The following MBNL2 variants were observed in gnomAD, a reference collection of about 807,000 sequenced individuals.
The protein encoded by MBNL2 is muscleblind-like protein 2.
A neutral mutation model predicts 41.9 loss-of-function variants in MBNL2; 17 were observed. The observed-to-expected ratio is 0.41, with a 90% CI of 0.28 to 0.61. The LOEUF is 0.61. Among genes scored for constraint, MBNL2 ranks in the 20% least tolerant of loss-of-function variants. The pLI is 0.35. For missense variants in MBNL2, 336 were observed against 505.6 expected (o/e 0.66, Z 3.22); for synonymous variants, 195 against 182.9 (o/e 1.07, Z -0.53).
chr13:97,317,309 A>G (rs777481988), intron 2 of MBNL2, among the ~76,000 whole-genome samples: 2 of 152,170 alleles, frequency 1.3e-5, no homozygotes, highest in African/African-American at 4.8e-5. Flanking sequence ...GGATAAAATG[A>G]ACAAAATATC....
the MBNL2 span, among the ~76,000 whole-genome samples, chr13:97,169,439 A>C: frequency 2.0e-5 from 3 of 152,222 alleles, no homozygotes; most frequent in African/African-American, 7.2e-5. Flanking sequence ...TCTATCTATC[A>C]GTTTTCGAAT....
the MBNL2 span, among the ~76,000 whole-genome samples, chr13:97,178,726 T>C: frequency 3.3e-5 from 5 of 151,986 alleles, no homozygotes; most frequent in Admixed American, 6.6e-5. Flanking sequence ...TGAGACCCTG[T>C]CTCTACATAA....
intron 2 of MBNL2, among the ~76,000 whole-genome samples, chr13:97,294,614 C>T (rs989033911): frequency 5.9e-5 from 9 of 152,104 alleles, no homozygotes; most frequent in Admixed American, 4.6e-4. Flanking sequence ...GGTATGGATC[C>T]CAGTGTTCTG....
chr13:97,176,050 T>G, the MBNL2 span, among the ~76,000 whole-genome samples: 1 of 152,202 alleles, frequency 6.6e-6, no homozygotes, highest in Non-Finnish European at 1.5e-5. Flanking sequence ...TACTCTGCCA[T>G]GCTGGAAGAA....
chr13:97,336,509 T>G (rs1440839511), intron 3 of MBNL2, among the ~76,000 whole-genome samples: 2 of 152,044 alleles, frequency 1.3e-5, no homozygotes, highest in African/African-American at 4.8e-5. Flanking sequence ...GACGCTCATA[T>G]AAGAGAGAGG....
intron 5 of MBNL2, among the ~76,000 whole-genome samples, chr13:97,349,712 A>C (rs1484833095): frequency 6.6e-6 from 1 of 152,090 alleles, no homozygotes; most frequent in Admixed American, 6.5e-5. Flanking sequence ...TTTTTAGTAG[A>C]GATGGACTCA....
At chr13:97,324,039 G>A (rs1181340494) in intron 2 of MBNL2, among the ~76,000 whole-genome samples, 1 of 151,776 alleles carries the variant, frequency 6.6e-6, no homozygotes, top group Non-Finnish European at 1.5e-5. Context: ...TGTTTTTCTT[G>A]TACCCATTAA....
the MBNL2 span, among the ~76,000 whole-genome samples, chr13:97,154,275 G>A: frequency 1.3e-5 from 2 of 152,030 alleles, no homozygotes; most frequent in African/African-American, 2.4e-5. Flanking sequence ...AGCTTTCACA[G>A]AGGCTTTTAA....
At chr13:97,324,802 AC>A (rs2059784245) in intron 2 of MBNL2, among the ~76,000 whole-genome samples, 1 of 152,104 alleles carries the variant, frequency 6.6e-6, no homozygotes, top group African/African-American at 2.4e-5. Context: ...GAGTCCAAAA[AC>A]CAAAGAACTT....
At position 97,356,797 on chromosome 13, in the gene MBNL2, C is replaced by T. The variant is rs1311221211; in HGVS notation, c.806C>T (p.Thr269Ile). The T allele has an allele frequency of 1.8e-5, 24 of 1,362,774 alleles. No individual in the cohort carries two copies. The highest frequency in any genetic ancestry group is 2.3e-5 in the Non-Finnish European group (23 of 1,017,970). The allele number at this position is 1,362,774 out of a possible 1,614,324, so 84.4% of individuals were successfully genotyped here. A position where few individuals can be genotyped will look rare whatever the true frequency, so the allele number is the denominator to read the frequency against. Residue 269 changes from threonine (T) to isoleucine (I), a missense_variant and splice_region_variant, in exon 6 of 9, where the codon ACT (threonine) becomes ATT (isoleucine). Transcript: ENST00000679496. ...QAAAAAATVM[T>I]QSTAKAMKRP... ...GTGCTCGCTGCCTGTTATTAAAAGA[C>T]TCAGTCGACTGCCAAAGCAATGAAG...
At chr13:97,281,168 A>G (rs555918108) in intron 2 of MBNL2, among the ~76,000 whole-genome samples, 36 of 152,310 alleles carry the variant, frequency 2.4e-4, no homozygotes, top group Non-Finnish European at 7.3e-5. Context: ...GTTCATCAGG[A>G]AAGTTTTCAA....
At chr13:97,193,133 C>A in the MBNL2 span, among the ~76,000 whole-genome samples, 1 of 152,192 alleles carries the variant, frequency 6.6e-6, no homozygotes, top group Non-Finnish European at 1.5e-5. Context: ...AAGGGTCAGA[C>A]TTAATGTAGG....
intron 2 of MBNL2, among the ~76,000 whole-genome samples, chr13:97,330,095 C>T: frequency 6.6e-6 from 1 of 152,298 alleles, no homozygotes; most frequent in African/African-American, 2.4e-5. Flanking sequence ...TTTTCCTCAC[C>T]TTTGTTTAAC....
chr13:97,355,566 T>C (rs1042429769), intron 5 of MBNL2, among the ~76,000 whole-genome samples: 3 of 152,166 alleles, frequency 2.0e-5, no homozygotes, highest in Non-Finnish European at 4.4e-5. Flanking sequence ...AGCAATTCCT[T>C]TGAATTATTT....
intron 1 of MBNL2, among the ~76,000 whole-genome samples, chr13:97,272,514 T>C (rs1401081143): frequency 6.6e-6 from 1 of 152,220 alleles, no homozygotes; most frequent in Non-Finnish European, 1.5e-5. Flanking sequence ...ATGAAGTCTT[T>C]CTGCATGCCT....
chr13:97,349,511 T>C (rs1050871790), intron 5 of MBNL2, among the ~76,000 whole-genome samples: 4 of 152,134 alleles, frequency 2.6e-5, no homozygotes, highest in African/African-American at 9.7e-5. Flanking sequence ...AACACATTTT[T>C]CCACAAAATT....
intron 1 of MBNL2, among the ~76,000 whole-genome samples, chr13:97,250,760 C>G (rs1386326409): frequency 6.6e-6 from 1 of 152,146 alleles, no homozygotes; most frequent in African/African-American, 2.4e-5. Context: ...CACTTCCTGC[C>G]TGATATCATT....
rs190842433 is a variant in MBNL2 at position 97,263,505 on chromosome 13, A to T, written c.-604-12127A>T. ...GGTGGAAACTTAAAGGACCATTTTT[A>T]AAAAAATTGTCCAAATGCCTGGGGG... On this transcript the variant is annotated intron_variant, in intron 1 of 8. Coordinates refer to ENST00000679496, the MANE Select transcript of MBNL2 (RefSeq NM_001382683.1). 7.2e-4 allele frequency among the ~76,000 whole-genome samples: 109 copies of T among 152,278 alleles called. 1 individual carries two copies. The highest frequency in any genetic ancestry group is 3.7e-3 in the East Asian group (19 of 5,180).
intron 2 of MBNL2, among the ~76,000 whole-genome samples, chr13:97,323,140 G>C (rs1468852786): frequency 6.6e-6 from 1 of 152,154 alleles, no homozygotes; most frequent in Non-Finnish European, 1.5e-5. Flanking sequence ...ACAAAATGTC[G>C]GCCTTTAATA....
Sources: allele counts gnomAD v4.1 joint callset (sites outside exome capture counted in the v4.1 genomes callset), GRCh38; gene constraint gnomAD v4.1.1; transcripts MANE v1.5; gene names NCBI Gene and HGNC (gene_info 2026-07-23, HGNC 2026-07-21).